Variants in IGF1R observed in about 807,000 individuals in gnomAD.
IGF1R encodes insulin-like growth factor 1 receptor.
In IGF1R, 44 loss-of-function variants were observed where a neutral mutation model predicts 144.6. That is an observed-to-expected ratio of 0.30 (90% CI 0.24 to 0.39). The LOEUF is 0.39. Ranked by LOEUF, IGF1R falls within the 10% of genes least tolerant of loss-of-function variation. The pLI, the probability that IGF1R is intolerant of heterozygous loss-of-function variation, is 1.00. For synonymous variants in IGF1R, 795 were observed against 722.8 expected (o/e 1.10, Z -1.60); for missense variants, 1,355 against 1,833.7 (o/e 0.74, Z 4.77).
At chr15:98,656,260 G>A (rs189024480) in intron 1 of IGF1R, among the ~76,000 whole-genome samples, 2 of 152,316 alleles carry the variant, frequency 1.3e-5, no homozygotes, top group African/African-American at 4.8e-5. Flanking sequence ...CTACCTTACT[G>A]CTCACCTGGC....
At chr15:98,946,824 GA>G (rs2016573087) in intron 19 of IGF1R, among the ~76,000 whole-genome samples, 1 of 152,370 alleles carries the variant, frequency 6.6e-6, no homozygotes, top group Admixed American at 6.5e-5. Context: ...ACACAGCCAG[GA>G]AGGGCACGTG....
At chr15:98,767,727 A>G (rs12904731) in intron 2 of IGF1R, among the ~76,000 whole-genome samples, 91,492 of 152,006 alleles carry the variant, frequency 0.6, 29,275 homozygotes, top group Non-Finnish European at 0.71. Context: ...CACGAACAAA[A>G]AACTTTCCAC....
chr15:98,761,096 G>A (rs146626655), intron 2 of IGF1R, among the ~76,000 whole-genome samples: 2 of 152,254 alleles, frequency 1.3e-5, no homozygotes, highest in Admixed American at 6.5e-5. Context: ...CAGGTGACCT[G>A]CCTGTCCTAC....
Position 98,960,126 on chromosome 15 carries a change from C to T in IGF1R, c.*2684C>T, listed in dbSNP as rs1221307540. 2 of 233,512 alleles carry T rather than the reference C, an allele frequency of 8.6e-6. No individual in the cohort carries two copies. The highest frequency in any genetic ancestry group is 8.5e-6 in the Non-Finnish European group (1 of 118,054). The allele number at this position is 233,512 out of a possible 1,614,324, so 14.5% of individuals were successfully genotyped here. A position where few individuals can be genotyped will look rare whatever the true frequency, so the allele number is the denominator to read the frequency against. ...GAATACATCTCACCTTTCTCAGCAC[C>T]TGACAATAGGCCGTTGATACTGGTA... On this transcript the variant is annotated 3_prime_UTR_variant, in exon 21 of 21. Coordinates refer to ENST00000650285, the MANE Select transcript of IGF1R (RefSeq NM_000875.5).
chr15:98,775,802 G>C (rs536047986), intron 2 of IGF1R, among the ~76,000 whole-genome samples: 2 of 152,322 alleles, frequency 1.3e-5, no homozygotes, highest in African/African-American at 4.8e-5. Flanking sequence ...CAGGTCTCGG[G>C]CTGGTTGGAT....
At chr15:98,783,640 C>T (rs1054675331) in intron 2 of IGF1R, among the ~76,000 whole-genome samples, 2 of 152,130 alleles carry the variant, frequency 1.3e-5, no homozygotes, top group African/African-American at 4.8e-5. Context: ...TAGAGTTACA[C>T]CCTAAGTATT....
chr15:98,942,961 TA>T lies in IGF1R; in HGVS notation c.3497del (p.Tyr1166SerfsTer79). ...GCGAGATATCTATGAGACAGACTAT[TA>T]CCGGAAAGGAGGGAAAGGGCTGCTG... ...MTRDIYETDY[Y>X]RKGGKGLLPV... On this transcript the variant is annotated frameshift_variant, in exon 19 of 21. Transcript: ENST00000650285. LOFTEE classifies it high-confidence loss of function. 6.2e-7 allele frequency: 1 copy of T among 1,614,170 alleles called. No individual in the cohort carries two copies. The highest frequency in any genetic ancestry group is 8.5e-7 in the Non-Finnish European group (1 of 1,179,992).
chr15:98,853,024 G>A (rs1199192898), intron 2 of IGF1R, among the ~76,000 whole-genome samples: 2 of 152,210 alleles, frequency 1.3e-5, no homozygotes, highest in African/African-American at 4.8e-5. Context: ...TGGATGGGCA[G>A]ATCGATTTTG....
In IGF1R at chr15:98,649,587, G is replaced by T; in HGVS notation, c.6G>T (p.Lys2Asn). Residue 2 changes from lysine (K) to asparagine (N), a missense_variant, in exon 1 of 21, where the codon AAG becomes AAT. Lys to Asn is a moderately conservative substitution (Grantham distance 94). Transcript: ENST00000650285. Reference sequence around the variant, plus strand: ...TTTCATCCCAAATAAAAGGAATGAAGTCTGGCTCCGGAGGAGGGTCCCCGA... The same window carrying T: ...TTTCATCCCAAATAAAAGGAATGAATTCTGGCTCCGGAGGAGGGTCCCCGA... The part of the protein sequence containing the change: M[K>N]SGSGGGSPTS... The T allele has an allele frequency of 6.5e-7, 1 of 1,530,058 alleles. No homozygotes were observed. Among genetic ancestry groups the T allele is most frequent in the African/African-American group, 1.4e-5 (1 of 69,624 alleles). The allele number at this position is 1,530,058 out of a possible 1,614,324, so 94.8% of individuals were successfully genotyped here. A position where few individuals can be genotyped will look rare whatever the true frequency, so the allele number is the denominator to read the frequency against.
At chr15:98,801,429 AAAAC>A (rs2056361682) in intron 2 of IGF1R, among the ~76,000 whole-genome samples, 1 of 152,216 alleles carries the variant, frequency 6.6e-6, no homozygotes, top group Non-Finnish European at 1.5e-5. Context: ...AACCTCTATC[AAAAC>A]AAACACCCAG....
At chr15:98,795,384 T>C (rs2056216443) in intron 2 of IGF1R, among the ~76,000 whole-genome samples, 1 of 151,984 alleles carries the variant, frequency 6.6e-6, no homozygotes, top group South Asian at 2.1e-4. Flanking sequence ...ATTAGCATTA[T>C]TATGTGTTTC....
intron 2 of IGF1R, among the ~76,000 whole-genome samples, chr15:98,878,318 A>G (rs955928103): frequency 2.6e-5 from 4 of 152,258 alleles, no homozygotes. Context: ...CTCTGTGTAC[A>G]GTAACAGAGA....
intron 2 of IGF1R, among the ~76,000 whole-genome samples, chr15:98,737,331 AC>A (rs2054634518): frequency 6.6e-6 from 1 of 152,138 alleles, no homozygotes; most frequent in African/African-American, 2.4e-5. Context: ...CATTTTGGTG[AC>A]CAGTTGGCTC....
intron 2 of IGF1R, among the ~76,000 whole-genome samples, chr15:98,841,401 T>G (rs1023477995): frequency 1.3e-4 from 20 of 152,120 alleles, no homozygotes; most frequent in Admixed American, 1.1e-3. Flanking sequence ...GTGTGAAAAC[T>G]GAGTTACTAT....
intron 1 of IGF1R, among the ~76,000 whole-genome samples, chr15:98,692,199 A>C (rs2053493851): frequency 6.6e-6 from 1 of 152,080 alleles, no homozygotes; most frequent in Non-Finnish European, 1.5e-5. Context: ...TTAGCTGGGC[A>C]TGGTGGTGCT....
At chr15:98,807,805 T>G (rs574755622) in intron 2 of IGF1R, among the ~76,000 whole-genome samples, 1 of 152,388 alleles carries the variant, frequency 6.6e-6, no homozygotes, top group Middle Eastern at 3.4e-3. Flanking sequence ...TTATGGGTCC[T>G]TCTTTCAAGC....
intron 1 of IGF1R, among the ~76,000 whole-genome samples, chr15:98,674,045 T>A (rs966125344): frequency 6.6e-6 from 1 of 152,224 alleles, no homozygotes; most frequent in Non-Finnish European, 1.5e-5. Context: ...ATAGTTGAAA[T>A]GTTAATGCTA....
chr15:98,802,470 C>T (rs1419941938), intron 2 of IGF1R, among the ~76,000 whole-genome samples: 1 of 152,016 alleles, frequency 6.6e-6, no homozygotes, highest in Non-Finnish European at 1.5e-5. Context: ...CAGTCTTGGC[C>T]CTGAGAGAAC....
intron 13 of IGF1R, among the ~76,000 whole-genome samples, chr15:98,928,458 G>A (rs2015811960): frequency 6.6e-6 from 1 of 152,192 alleles, no homozygotes; most frequent in Non-Finnish European, 1.5e-5. Context: ...TCAGTTCACT[G>A]CTGGGCCTGA....
Sources: allele counts gnomAD v4.1 joint callset (sites outside exome capture counted in the v4.1 genomes callset), GRCh38; gene constraint gnomAD v4.1.1; transcripts MANE v1.5; gene names NCBI Gene and HGNC (gene_info 2026-07-23, HGNC 2026-07-21).